Variants in CDK14 observed in about 807,000 individuals in gnomAD.
CDK14 encodes cyclin-dependent kinase 14.
A neutral mutation model predicts 60.7 loss-of-function variants in CDK14; 34 were observed. That is an observed-to-expected ratio of 0.56 (90% CI 0.43 to 0.75). The LOEUF is 0.75. Ranked by LOEUF, CDK14 falls within the 30% of genes least tolerant of loss-of-function variation. The probability of loss-of-function intolerance (pLI) is 0.00; values close to 1 mark genes in which losing one functional copy is unlikely to be tolerated. For synonymous variants in CDK14, 197 were observed against 203.7 expected (o/e 0.97, Z 0.28); for missense variants, 482 against 564.1 (o/e 0.85, Z 1.47).
At chr7:91,163,602 G>T (rs889406914) in intron 14 of CDK14, among the ~76,000 whole-genome samples, 8 of 152,060 alleles carry the variant, frequency 5.3e-5, no homozygotes, top group African/African-American at 1.9e-4. Flanking sequence ...CTTACTTACC[G>T]TTTTTTGCAT....
At chr7:91,140,512 A>C (rs1246077520) in intron 14 of CDK14, among the ~76,000 whole-genome samples, 4 of 152,152 alleles carry the variant, frequency 2.6e-5, no homozygotes, top group African/African-American at 9.7e-5. Context: ...CACTAGCATC[A>C]GTTTTGTTGG....
intron 2 of CDK14, 143 bp from the exon 3 acceptor site, chr7:90,726,424 T>C: frequency 8.2e-7 from 1 of 1,223,460 alleles, no homozygotes; most frequent in Non-Finnish European, 1.1e-6. Context: ...CTGTAATTTA[T>C]GCTGATGCAG....
intron 6 of CDK14, 106 bp from the exon 7 acceptor site, chr7:90,899,185 T>C: frequency 8.3e-6 from 7 of 841,464 alleles, no homozygotes; most frequent in Admixed American, 3.6e-5. Context: ...CACTTGTCTT[T>C]TATTTGCTCT....
At chr7:90,766,423 G>A (rs540460257) in intron 4 of CDK14, among the ~76,000 whole-genome samples, 2 of 151,964 alleles carry the variant, frequency 1.3e-5, no homozygotes, top group South Asian at 2.1e-4. Context: ...CTTCTTTTTC[G>A]TTTCTTATAA....
intron 14 of CDK14, among the ~76,000 whole-genome samples, chr7:91,174,083 G>T (rs1364484395): frequency 2.6e-5 from 4 of 152,130 alleles, no homozygotes; most frequent in East Asian, 1.9e-4. Flanking sequence ...GAGAGCAGTG[G>T]TTCTCCCAGC....
At chr7:90,886,033 G>T (rs991831194) in intron 6 of CDK14, among the ~76,000 whole-genome samples, 1 of 152,036 alleles carries the variant, frequency 6.6e-6, no homozygotes. Context: ...TTCTTTAGAA[G>T]AAATAAATAA....
At chr7:91,057,755 A>G (rs1408760123) in intron 11 of CDK14, among the ~76,000 whole-genome samples, 1 of 152,086 alleles carries the variant, frequency 6.6e-6, no homozygotes, top group Non-Finnish European at 1.5e-5. Flanking sequence ...GTTCTGTTCC[A>G]TTGGTCTATA....
intron 2 of CDK14, among the ~76,000 whole-genome samples, chr7:90,683,985 T>C (rs1197853388): frequency 6.6e-6 from 1 of 152,100 alleles, no homozygotes; most frequent in African/African-American, 2.4e-5. Flanking sequence ...TGCACATGCA[T>C]GTGCACATAC....
At chr7:91,190,145 A>G (rs975138116) in intron 14 of CDK14, among the ~76,000 whole-genome samples, 1 of 152,204 alleles carries the variant, frequency 6.6e-6, no homozygotes, top group African/African-American at 2.4e-5. Context: ...TATTTCTTAC[A>G]CCATATGTCC....
chr7:90,786,253 C>A (rs1805575780), intron 4 of CDK14, among the ~76,000 whole-genome samples: 1 of 152,178 alleles, frequency 6.6e-6, no homozygotes, highest in Non-Finnish European at 1.5e-5. Context: ...GTAATATTAG[C>A]ACAATTTAGA....
At chr7:90,686,520 G>C (rs9655989) in intron 2 of CDK14, among the ~76,000 whole-genome samples, 54 of 152,098 alleles carry the variant, frequency 3.6e-4, no homozygotes, top group African/African-American at 1.2e-3. Flanking sequence ...AGCTCCTGGA[G>C]GACATGGTCT....
At chr7:90,639,640 G>T (rs1469244046) in intron 2 of CDK14, among the ~76,000 whole-genome samples, 2 of 145,802 alleles carry the variant, frequency 1.4e-5, no homozygotes, top group African/African-American at 2.6e-5. Context: ...CGTGCTGGGA[G>T]AACCACTGCT....
At chr7:91,093,962 G>A (rs1798906024) in intron 12 of CDK14, among the ~76,000 whole-genome samples, 1 of 152,024 alleles carries the variant, frequency 6.6e-6, no homozygotes, top group Non-Finnish European at 1.5e-5. Flanking sequence ...CTTGTAACTG[G>A]GAGCTAAACA....
At chr7:90,884,571 T>C (rs1791879987) in intron 6 of CDK14, among the ~76,000 whole-genome samples, 1 of 152,090 alleles carries the variant, frequency 6.6e-6, no homozygotes, top group Non-Finnish European at 1.5e-5. Flanking sequence ...CTTCACAGTG[T>C]TAGAATAAAA....
At chr7:90,813,634 A>G (rs1789229728) in intron 5 of CDK14, among the ~76,000 whole-genome samples, 3 of 152,174 alleles carry the variant, frequency 2.0e-5, no homozygotes, top group Admixed American at 2.0e-4. Flanking sequence ...CTGTAATCCC[A>G]GCTACTTGGG....
At chr7:90,817,989 A>G (rs1228588604) in intron 5 of CDK14, among the ~76,000 whole-genome samples, 3 of 152,142 alleles carry the variant, frequency 2.0e-5, no homozygotes, top group Admixed American at 2.0e-4. Context: ...TTCACACCTA[A>G]GCCCATCTGA....
chr7:90,902,244 C>T (rs1792531525), intron 7 of CDK14, among the ~76,000 whole-genome samples: 1 of 152,024 alleles, frequency 6.6e-6, no homozygotes, highest in Non-Finnish European at 1.5e-5. Flanking sequence ...GATAAACAAT[C>T]CTAAAATTTA....
At chr7:90,915,492 C>T (rs1793052254) in intron 7 of CDK14, among the ~76,000 whole-genome samples, 1 of 152,150 alleles carries the variant, frequency 6.6e-6, no homozygotes, top group Admixed American at 6.5e-5. Context: ...AGTAACAATG[C>T]CTGAGCCTGC....
intron 2 of CDK14, among the ~76,000 whole-genome samples, chr7:90,699,043 G>T (rs954718286): frequency 6.6e-6 from 1 of 152,202 alleles, no homozygotes; most frequent in Non-Finnish European, 1.5e-5. Flanking sequence ...TATCAAGAAG[G>T]CCTGTAGGGT....
Sources: gnomAD v4.1 joint callset for allele counts (sites outside exome capture counted in the v4.1 genomes callset) on GRCh38, gnomAD v4.1.1 for gene constraint, MANE v1.5 for transcripts, NCBI Gene and HGNC (gene_info 2026-07-23, HGNC 2026-07-21) for gene names.